HS6ST3: variants seen among roughly 807,000 people sequenced by gnomAD.
HS6ST3 encodes heparan sulfate 6-O-sulfotransferase 3, also known as heparan-sulfate 6-O-sulfotransferase 3.
Under a neutral mutation model 36.7 loss-of-function variants are expected in HS6ST3, and 12 were observed. The observed-to-expected ratio is 0.33, with a 90% CI of 0.21 to 0.53. The LOEUF is 0.53. Ranked by LOEUF, HS6ST3 falls within the 20% of genes least tolerant of loss-of-function variation. The pLI is 0.95. For missense variants in HS6ST3, 584 were observed against 640.9 expected, an observed-to-expected ratio of 0.91 and a Z score of 0.96; for synonymous variants, 240 against 257.5, an observed-to-expected ratio of 0.93 and a Z score of 0.65.
chr13:96,747,995 G>C (rs572109674), intron 1 of HS6ST3, among the ~76,000 whole-genome samples: 1 of 152,158 alleles, frequency 6.6e-6, no homozygotes, highest in South Asian at 2.1e-4. Context: ...AAGTGAGAAG[G>C]CTGTAGGTCT....
At chr13:96,724,805 T>A (rs1875958806) in intron 1 of HS6ST3, among the ~76,000 whole-genome samples, 1 of 152,242 alleles carries the variant, frequency 6.6e-6, no homozygotes, top group African/African-American at 2.4e-5. Flanking sequence ...AATCTTGCGA[T>A]ATTATAAATA....
chr13:96,559,253 A>G (rs2138954093), intron 1 of HS6ST3, among the ~76,000 whole-genome samples: 1 of 151,978 alleles, frequency 6.6e-6, no homozygotes, highest in South Asian at 2.1e-4. Flanking sequence ...GATAGCTGGG[A>G]CTATAGACGC....
intron 1 of HS6ST3, among the ~76,000 whole-genome samples, chr13:96,253,826 A>C (rs915804740): frequency 3.3e-5 from 5 of 152,110 alleles, no homozygotes; most frequent in African/African-American, 1.2e-4. Flanking sequence ...CCCTAATATC[A>C]TGGGCTTTTC....
chr13:96,433,185 A>T (rs1247101354), intron 1 of HS6ST3, among the ~76,000 whole-genome samples: 1 of 152,208 alleles, frequency 6.6e-6, no homozygotes, highest in Admixed American at 6.5e-5. Flanking sequence ...GTCAATAACA[A>T]GGTTGTTCTA....
At chr13:96,123,601 A>G (rs2053936833) in intron 1 of HS6ST3, among the ~76,000 whole-genome samples, 1 of 152,180 alleles carries the variant, frequency 6.6e-6, no homozygotes, top group Admixed American at 6.5e-5. Flanking sequence ...AGCAACACAA[A>G]TGTTAAGAAT....
At chr13:96,672,772 A>G (rs1407326977) in intron 1 of HS6ST3, among the ~76,000 whole-genome samples, 1 of 152,160 alleles carries the variant, frequency 6.6e-6, no homozygotes, top group Non-Finnish European at 1.5e-5. Context: ...GATAATTCAC[A>G]ATTATGGATG....
intron 1 of HS6ST3, among the ~76,000 whole-genome samples, chr13:96,493,962 T>G (rs2055959571): frequency 6.6e-6 from 1 of 152,194 alleles, no homozygotes; most frequent in Admixed American, 6.5e-5. Flanking sequence ...AAGCCATTAG[T>G]TCAGAGTCGT....
chr13:96,122,268 G>A (rs1309311666), intron 1 of HS6ST3, among the ~76,000 whole-genome samples: 1 of 151,876 alleles, frequency 6.6e-6, no homozygotes, highest in Admixed American at 6.6e-5. Context: ...AAGCCTGCAT[G>A]CTTAGCTATA....
At chr13:96,250,704 A>G (rs191460419) in intron 1 of HS6ST3, among the ~76,000 whole-genome samples, 4 of 152,266 alleles carry the variant, frequency 2.6e-5, no homozygotes, top group African/African-American at 9.6e-5. Context: ...AATACAATAC[A>G]TCCTCCAACT....
At chr13:96,544,902 A>G (rs909083170) in intron 1 of HS6ST3, among the ~76,000 whole-genome samples, 1 of 152,212 alleles carries the variant, frequency 6.6e-6, no homozygotes, top group African/African-American at 2.4e-5. Context: ...AGAAATTCAC[A>G]AATGTATTGC....
chr13:96,159,229 C>A (rs1322840683), intron 1 of HS6ST3, among the ~76,000 whole-genome samples: 5 of 152,094 alleles, frequency 3.3e-5, no homozygotes, highest in African/African-American at 9.7e-5. Flanking sequence ...AGGAAAGACA[C>A]AAGGATCAAT....
intron 1 of HS6ST3, among the ~76,000 whole-genome samples, chr13:96,293,318 A>G (rs2054839058): frequency 6.6e-6 from 1 of 152,106 alleles, no homozygotes; most frequent in South Asian, 2.1e-4. Context: ...GTTCAGAATA[A>G]GGGCCATAAG....
At chr13:96,231,053 G>A (rs2054505968) in intron 1 of HS6ST3, among the ~76,000 whole-genome samples, 1 of 152,118 alleles carries the variant, frequency 6.6e-6, no homozygotes, top group Non-Finnish European at 1.5e-5. Context: ...GGTGGAAAGA[G>A]AGGTATGAAG....
chr13:96,504,847 C>T (rs907714965), intron 1 of HS6ST3, among the ~76,000 whole-genome samples: 37 of 152,076 alleles, frequency 2.4e-4, no homozygotes, highest in Non-Finnish European at 4.9e-4. Flanking sequence ...TTACGTAAGT[C>T]TTAGGTAATA....
At chr13:96,363,766 A>C (rs1260384252) in intron 1 of HS6ST3, among the ~76,000 whole-genome samples, 1 of 152,190 alleles carries the variant, frequency 6.6e-6, no homozygotes, top group African/African-American at 2.4e-5. Flanking sequence ...GAGAGAAACA[A>C]AAGATGAGAA....
chr13:96,822,688 G>C (rs757973124), intron 1 of HS6ST3, among the ~76,000 whole-genome samples: 3 of 152,158 alleles, frequency 2.0e-5, no homozygotes, highest in Admixed American at 6.5e-5. Context: ...CCTCTTCTTT[G>C]ATGCTTTTGT....
At chr13:96,223,117 T>A (rs1191604999) in intron 1 of HS6ST3, among the ~76,000 whole-genome samples, 1 of 152,246 alleles carries the variant, frequency 6.6e-6, no homozygotes, top group East Asian at 1.9e-4. Flanking sequence ...TTTGGAATAC[T>A]TGGTTTCATG....
chr13:96,245,559 T>TTCTAGCAATAG (rs1414604543), intron 1 of HS6ST3, among the ~76,000 whole-genome samples: 1 of 152,144 alleles, frequency 6.6e-6, no homozygotes, highest in Non-Finnish European at 1.5e-5. Flanking sequence ...TAGACCCTAT[T>TTCTAGCAATAG]GGTTGCTCCC....
chr13:96,784,811 A>G (rs542754577), intron 1 of HS6ST3, among the ~76,000 whole-genome samples: 3 of 152,312 alleles, frequency 2.0e-5, no homozygotes, highest in South Asian at 4.1e-4. Flanking sequence ...ATGAAACCCT[A>G]AAATGTTCCT....
Sources: allele counts gnomAD v4.1 joint callset (sites outside exome capture counted in the v4.1 genomes callset), GRCh38; gene constraint gnomAD v4.1.1; transcripts MANE v1.5; gene names NCBI Gene and HGNC (gene_info 2026-07-23, HGNC 2026-07-21).